SWT1: variants seen among roughly 807,000 people sequenced by gnomAD.
The protein encoded by SWT1 is transcriptional protein SWT1.
SWT1 carries 33 observed loss-of-function variants against 107.3 expected under a neutral mutation model. That is an observed-to-expected ratio of 0.31 (90% confidence interval 0.23 to 0.41). The LOEUF is 0.41. Among genes scored for constraint, SWT1 ranks in the 10% least tolerant of loss-of-function variants. The pLI is 1.00. For synonymous variants in SWT1, 345 were observed against 348.3 expected (o/e 0.99, Z 0.11); for missense variants, 898 against 1,028.9 (o/e 0.87, Z 1.74).
chr1:185,171,136 A>G (rs1365419733), intron 4 of SWT1, among the ~76,000 whole-genome samples: 1 of 150,076 alleles, frequency 6.7e-6, no homozygotes, highest in Non-Finnish European at 1.5e-5. Flanking sequence ...TGGTATTACC[A>G]TTAGAATTGA....
chr1:185,253,226 A>G (rs1465394804), intron 16 of SWT1, among the ~76,000 whole-genome samples: 16 of 150,776 alleles, frequency 1.1e-4, no homozygotes. Flanking sequence ...TGATACCTCC[A>G]GCTTTGTTCT....
At chr1:185,215,515 C>A (rs184810608) in intron 14 of SWT1, among the ~76,000 whole-genome samples, 11 of 152,172 alleles carry the variant, frequency 7.2e-5, no homozygotes, top group African/African-American at 2.4e-4. Context: ...GCCTTTTTAT[C>A]TCTTTTAAAC....
At chr1:185,171,694 T>G in intron 4 of SWT1, 1 of 494,904 alleles carries the variant, frequency 2.0e-6, no homozygotes, top group South Asian at 1.5e-5. Context: ...TACCACAAGG[T>G]TTTTCATGGA....
intron 16 of SWT1, among the ~76,000 whole-genome samples, 167 bp downstream of exon 16, chr1:185,231,875 A>T (rs531846793): frequency 1.3e-5 from 2 of 152,280 alleles, no homozygotes; most frequent in South Asian, 2.1e-4. Context: ...GATACTTCTA[A>T]CCTTTGCAGT....
At position 185,233,829 on chromosome 1, in the gene SWT1, C is replaced by T. The variant is rs145230009; in HGVS notation, c.2441+2121C>T. ...CGCAATCTCAGCTCACTGCAAGCTC[C>T]GCCTCCTGGGTTCATGCCATTCTCC... is the stretch of plus-strand genomic sequence containing the variant. On this transcript the variant is annotated intron_variant, in intron 16 of 18. Coordinates refer to ENST00000367500, the MANE Select transcript of SWT1 (RefSeq NM_017673.7). Among the ~76,000 whole-genome samples the T allele has an allele frequency of 5.5e-3, 843 of 152,198 alleles. 31 individuals are homozygous for T. The East Asian group carries it at 0.092, about 17-fold the overall frequency.
At chr1:185,172,148 A>G (rs187746912) in intron 4 of SWT1, among the ~76,000 whole-genome samples, 12 of 152,302 alleles carry the variant, frequency 7.9e-5, no homozygotes, top group Non-Finnish European at 1.3e-4. Flanking sequence ...GCACACATTT[A>G]CTGATATAAA....
At chr1:185,279,269 G>C (rs1314353849) in intron 18 of SWT1, among the ~76,000 whole-genome samples, 1 of 152,112 alleles carries the variant, frequency 6.6e-6, no homozygotes, top group African/African-American at 2.4e-5. Context: ...ATACATGGAG[G>C]CCACAATTTC....
At chr1:185,163,102 A>C (rs1015816788) in intron 2 of SWT1, among the ~76,000 whole-genome samples, 4 of 152,162 alleles carry the variant, frequency 2.6e-5, no homozygotes, top group African/African-American at 9.7e-5. Context: ...CAGAGTGGTA[A>C]TTACGGAAGG....
intron 16 of SWT1, among the ~76,000 whole-genome samples, chr1:185,234,774 T>A (rs1049996103): frequency 1.3e-5 from 2 of 152,162 alleles, no homozygotes; most frequent in African/African-American, 2.4e-5. Context: ...TTTCCATGTT[T>A]AGTGCTTCCT....
At chr1:185,231,258 G>A (rs546075851) in intron 15 of SWT1, among the ~76,000 whole-genome samples, 1 of 152,052 alleles carries the variant, frequency 6.6e-6, no homozygotes, top group African/African-American at 2.4e-5. Context: ...TTCTCATCCT[G>A]AGTACTGACT....
At chr1:185,224,538 A>G (rs1288243311) in intron 15 of SWT1, among the ~76,000 whole-genome samples, 5 of 152,074 alleles carry the variant, frequency 3.3e-5, no homozygotes, top group South Asian at 4.1e-4. Context: ...TTTGGTAGAG[A>G]TTGCATTAAA....
chr1:185,207,356 A>G (rs1262797406), intron 13 of SWT1, among the ~76,000 whole-genome samples: 1 of 152,174 alleles, frequency 6.6e-6, no homozygotes, highest in African/African-American at 2.4e-5. Flanking sequence ...CAGATGGATG[A>G]TGGAAAGATT....
intron 17 of SWT1, among the ~76,000 whole-genome samples, chr1:185,276,092 A>G (rs891940392): frequency 6.6e-6 from 1 of 152,174 alleles, no homozygotes; most frequent in Admixed American, 6.5e-5. Flanking sequence ...AGTAAGTTTC[A>G]AGATTCCTTC....
rs770353981 is a variant in SWT1, at chr1:185,182,027, G to T, written c.1108G>T (p.Asp370Tyr). 1 of 1,613,570 alleles carries T rather than the reference G, an allele frequency of 6.2e-7. No individual in the cohort carries two copies. The highest frequency in any genetic ancestry group is 8.5e-7 in the Non-Finnish European group (1 of 1,179,600). Reference protein sequence around the residue: ...LPGELMSMEIDLEDDVHSSSA... With the variant: ...LPGELMSMEIYLEDDVHSSSA... ...TGGAGAGTTAATGAGTATGGAAATT[G>T]ACTTAGAAGATGATGTACATTCCTC... The change falls in exon 7 of 19, where the codon GAC becomes TAC. Residue 370 changes from aspartate (D) to tyrosine (Y), a missense_variant. Physicochemically the swap from Asp to Tyr is radical, Grantham distance 160. Around this residue, in one of 6 missense-constraint regions of SWT1, gnomAD observed 94 missense variants for 114.5 expected, o/e 0.82. Coordinates refer to ENST00000367500, the MANE Select transcript of SWT1 (RefSeq NM_017673.7).
intron 5 of SWT1, chr1:185,177,020 T>C (rs1282991410): frequency 2.1e-6 from 2 of 965,986 alleles, no homozygotes; most frequent in East Asian, 1.2e-4. Flanking sequence ...ATTGCAATGG[T>C]AAGATATTTC....
intron 16 of SWT1, among the ~76,000 whole-genome samples, chr1:185,253,951 C>A (rs1405294078): frequency 5.4e-5 from 8 of 149,208 alleles, no homozygotes; most frequent in Admixed American, 1.3e-4. Context: ...GAAATATGTC[C>A]CATCAATACC....
chr1:185,228,169 G>GTATATATATATA (rs757812651), intron 15 of SWT1, among the ~76,000 whole-genome samples: 125 of 79,268 alleles, frequency 1.6e-3, no homozygotes, highest in East Asian at 8.6e-3. Context: ...AAAAAAATGT[G>GTATATATATATA]TATATATATA....
chr1:185,244,752 A>G (rs914490356), intron 16 of SWT1, among the ~76,000 whole-genome samples: 1 of 152,188 alleles, frequency 6.6e-6, no homozygotes, highest in Non-Finnish European at 1.5e-5. Flanking sequence ...ATTTTTTAAT[A>G]CTTTTTGACT....
At chr1:185,167,695 C>A (rs527560482) in intron 3 of SWT1, among the ~76,000 whole-genome samples, 44 of 152,228 alleles carry the variant, frequency 2.9e-4, no homozygotes, top group African/African-American at 1.0e-3. Flanking sequence ...TCCCTTCTTC[C>A]TTGAAAGAGG....
Sources: gnomAD v4.1 joint callset for allele counts (sites outside exome capture counted in the v4.1 genomes callset) on GRCh38, gnomAD v4.1.1 for gene constraint, gnomAD v4.1.1 regional missense constraint, MANE v1.5 for transcripts, NCBI Gene and HGNC (gene_info 2026-07-23, HGNC 2026-07-21) for gene names.